The following ZNRF2 variants were observed in gnomAD, a reference collection of about 807,000 sequenced individuals.
The protein encoded by ZNRF2 is E3 ubiquitin-protein ligase ZNRF2.
Under a neutral mutation model 20.4 loss-of-function variants are expected in ZNRF2, and 16 were observed. The ratio of observed to expected loss-of-function variants is 0.79; its 90% CI spans 0.53 to 1.19. The LOEUF is 1.19. Among genes scored for constraint, ZNRF2 ranks in the 50% most tolerant of loss-of-function variants. The pLI is 0.00. For synonymous variants in ZNRF2, 178 were observed against 144.9 expected, an observed-to-expected ratio of 1.23 and a Z score of -1.64; for missense variants, 363 against 332.4, an observed-to-expected ratio of 1.09 and a Z score of -0.72.
chr7:30,295,213 C>T (rs1798999533), intron 1 of ZNRF2, among the ~76,000 whole-genome samples: 1 of 151,920 alleles, frequency 6.6e-6, no homozygotes, highest in Non-Finnish European at 1.5e-5. Flanking sequence ...AAGGGAGTAC[C>T]TTTCTCTACC....
chr7:30,333,363 CTT>C (rs1250477674), intron 2 of ZNRF2, among the ~76,000 whole-genome samples: 20 of 130,576 alleles, frequency 1.5e-4, no homozygotes, highest in East Asian at 2.3e-4. Context: ...CATATTTTGA[CTT>C]TTTTTTTTTT....
chr7:30,330,556 C>G (rs1799622068), intron 2 of ZNRF2, among the ~76,000 whole-genome samples: 1 of 152,104 alleles, frequency 6.6e-6, no homozygotes, highest in African/African-American at 2.4e-5. Flanking sequence ...ATCTGGGTTC[C>G]TGTCTAACAT....
chr7:30,285,435 T>C lies in ZNRF2; in HGVS notation c.78T>C (p.Ser26=). The part of the protein sequence containing the change: ...RAYSGSDLPS[S]SSGGANGTAG... The stretch of plus-strand genomic sequence containing the variant: ...ACTCGGGCTCGGATCTACCTTCCAG[T>C]AGCAGCGGAGGCGCCAATGGGACCG... Residue 26 remains serine, a synonymous_variant, in exon 1 of 5, where the codon AGT becomes AGC. Transcript: ENST00000323037. 2 of 1,196,444 alleles carry C rather than the reference T, an allele frequency of 1.7e-6. No individual in the cohort carries two copies. Among genetic ancestry groups the C allele is most frequent in the East Asian group, 5.6e-5 (1 of 17,724 alleles). The allele number at this position is 1,196,444 out of a possible 1,614,324, so 74.1% of individuals were successfully genotyped here.
intron 1 of ZNRF2, among the ~76,000 whole-genome samples, chr7:30,301,779 A>C (rs1404599751): frequency 6.6e-6 from 1 of 152,062 alleles, no homozygotes; most frequent in African/African-American, 2.4e-5. Context: ...CCATTATAAC[A>C]ATCTCCGAAA....
At chr7:30,323,499 C>T in intron 1 of ZNRF2, 143 bp from the exon 2 acceptor site, 1 of 474,188 alleles carries the variant, frequency 2.1e-6, no homozygotes, top group Non-Finnish European at 3.7e-6. Context: ...ACAAAATTTT[C>T]CTGACTTGAG....
At chr7:30,327,225 G>A (rs1303647939) in intron 2 of ZNRF2, among the ~76,000 whole-genome samples, 1 of 152,044 alleles carries the variant, frequency 6.6e-6, no homozygotes, top group African/African-American at 2.4e-5. Flanking sequence ...TGTCTATAAT[G>A]GTATTGCATA....
chr7:30,316,287 T>TA, intron 1 of ZNRF2, among the ~76,000 whole-genome samples: 1 of 15,442 alleles, frequency 6.5e-5, no homozygotes, highest in Non-Finnish European at 1.1e-4. Flanking sequence ...AAACTCCATC[T>TA]CAAAAAAAAA....
chr7:30,312,273 G>C (rs966254708), intron 1 of ZNRF2, among the ~76,000 whole-genome samples: 2 of 152,098 alleles, frequency 1.3e-5, no homozygotes, highest in African/African-American at 4.8e-5. Flanking sequence ...GAGCTACTAT[G>C]CCAGCCCTCT....
chr7:30,312,520 A>G (rs1028117997), intron 1 of ZNRF2, among the ~76,000 whole-genome samples: 33 of 152,182 alleles, frequency 2.2e-4, no homozygotes, highest in Admixed American at 2.2e-3. Flanking sequence ...AAACCACTTC[A>G]TCTTCAAATC....
intron 3 of ZNRF2, among the ~76,000 whole-genome samples, chr7:30,356,364 A>T (rs1800038645): frequency 6.6e-6 from 1 of 152,080 alleles, no homozygotes; most frequent in Non-Finnish European, 1.5e-5. Context: ...TTAAGTTAAG[A>T]TGAGGTGGGG....
chr7:30,337,875 A>T (rs1011467948), intron 2 of ZNRF2, among the ~76,000 whole-genome samples: 5 of 152,144 alleles, frequency 3.3e-5, no homozygotes, highest in African/African-American at 1.2e-4. Flanking sequence ...CTCTCACCTG[A>T]ATCACCTTAA....
chr7:30,285,138 C>G lies in ZNRF2; in HGVS notation c.-220C>G, dbSNP rs904868824. On this transcript the variant is annotated 5_prime_UTR_variant, in exon 1 of 5. Transcript: ENST00000323037. ...CCCCTTCCTCTCCGCGTCTCCTCGT[C>G]TCCCGCGCCCGCGTCAGGCCGTCGG... 2.4e-6 allele frequency: 1 copy of G among 416,988 alleles called. No individual in the cohort carries two copies. The highest frequency in any genetic ancestry group is 2.2e-5 in the African/African-American group (1 of 45,790). The allele number at this position is 416,988 out of a possible 1,614,324, so 25.8% of individuals were successfully genotyped here.
rs1245268328 is a variant in ZNRF2, at chr7:30,293,100, G to GATT, written c.469+7275_469+7276insTTA. ...CTGCATATCCCGTGTTTTGAAGATA[G>GATT]AGCCACCTGGATTAGATGTGGAGGT... is the stretch of plus-strand genomic sequence containing the variant. On this transcript the variant is annotated intron_variant, in intron 1 of 4. Coordinates refer to ENST00000323037, the MANE Select transcript of ZNRF2 (RefSeq NM_147128.4). Among the ~76,000 whole-genome samples, 1,006 of 152,222 alleles carry GATT rather than the reference G, an allele frequency of 6.6e-3. 15 individuals carry two copies. The highest frequency in any genetic ancestry group is 0.023 in the African/African-American group (967 of 41,518).
intron 2 of ZNRF2, among the ~76,000 whole-genome samples, chr7:30,347,878 A>T (rs1799901699): frequency 6.6e-6 from 1 of 152,234 alleles, no homozygotes; most frequent in Admixed American, 6.5e-5. Flanking sequence ...AAAGGGGATC[A>T]AGAAAGATTT....
chr7:30,359,380 AAG>A (rs1490932438), intron 3 of ZNRF2, among the ~76,000 whole-genome samples: 2 of 152,180 alleles, frequency 1.3e-5, no homozygotes, highest in Non-Finnish European at 2.9e-5. Context: ...CACATAATAA[AAG>A]AGGTTTGGTA....
intron 1 of ZNRF2, among the ~76,000 whole-genome samples, chr7:30,309,057 A>G (rs1381035497): frequency 6.6e-6 from 1 of 152,212 alleles, no homozygotes; most frequent in Non-Finnish European, 1.5e-5. Context: ...AAATAAATTC[A>G]TATATAGAAT....
At chr7:30,292,546 G>A (rs1436312061) in intron 1 of ZNRF2, among the ~76,000 whole-genome samples, 6 of 152,080 alleles carry the variant, frequency 3.9e-5, no homozygotes, top group Non-Finnish European at 5.9e-5. Context: ...GGCATTGAGT[G>A]TAATGGAAAA....
chr7:30,340,929 G>C (rs1799786215), intron 2 of ZNRF2, among the ~76,000 whole-genome samples: 1 of 152,134 alleles, frequency 6.6e-6, no homozygotes, highest in African/African-American at 2.4e-5. Flanking sequence ...ACTTGTTATG[G>C]TCTATTCAGG....
At chr7:30,299,481 T>C (rs1799073637) in intron 1 of ZNRF2, among the ~76,000 whole-genome samples, 1 of 151,958 alleles carries the variant, frequency 6.6e-6, no homozygotes, top group African/African-American at 2.4e-5. Flanking sequence ...TCCTCTGGTA[T>C]GAACATGTTC....
Sources: allele counts gnomAD v4.1 joint callset (sites outside exome capture counted in the v4.1 genomes callset), GRCh38; gene constraint gnomAD v4.1.1; transcripts MANE v1.5; gene names NCBI Gene and HGNC (gene_info 2026-07-23, HGNC 2026-07-21).